The following KCND2 variants were observed in gnomAD, a reference collection of about 807,000 sequenced individuals.
The protein encoded by KCND2 is A-type voltage-gated potassium channel KCND2.
Under a neutral mutation model 54.4 loss-of-function variants are expected in KCND2, and 16 were observed. The ratio of observed to expected loss-of-function variants is 0.29; its 90% CI spans 0.20 to 0.45. KCND2 has a LOEUF of 0.45. KCND2 is among the 20% of genes least tolerant of loss of function. The pLI is 1.00. For synonymous variants in KCND2, 317 were observed against 310.7 expected (o/e 1.02, Z -0.21); for missense variants, 486 against 824.2 (o/e 0.59, Z 5.02).
intron 1 of KCND2, among the ~76,000 whole-genome samples, chr7:120,338,108 G>C (rs1392191230): frequency 6.6e-6 from 1 of 152,108 alleles, no homozygotes; most frequent in Non-Finnish European, 1.5e-5. Flanking sequence ...CCTGATTGCT[G>C]TGCTGTCATT....
chr7:120,519,044 C>G (rs1318936259), intron 1 of KCND2, among the ~76,000 whole-genome samples: 1 of 151,994 alleles, frequency 6.6e-6, no homozygotes, highest in Non-Finnish European at 1.5e-5. Flanking sequence ...ATATGGTGGC[C>G]TTGGCAGTAC....
At chr7:120,413,424 A>G (rs1801478695) in intron 1 of KCND2, among the ~76,000 whole-genome samples, 1 of 151,978 alleles carries the variant, frequency 6.6e-6, no homozygotes, top group African/African-American at 2.4e-5. Flanking sequence ...ACCTTTGTAT[A>G]TTATTAGAAA....
At chr7:120,736,641 T>G (rs1792874741) in intron 2 of KCND2, among the ~76,000 whole-genome samples, 1 of 151,926 alleles carries the variant, frequency 6.6e-6, no homozygotes, top group East Asian at 1.9e-4. Flanking sequence ...TAGTTATAAT[T>G]TAATAATACT....
chr7:120,274,262 T>C lies in KCND2; in HGVS notation c.-371T>C, dbSNP rs73429955. 0.011 allele frequency: 3,890 copies of C among 368,376 alleles called. 161 individuals are homozygous for C. Among genetic ancestry groups the C allele is most frequent in the African/African-American group, 0.074 (3,595 of 48,368 alleles). The allele number at this position is 368,376 out of a possible 1,614,324, so 22.8% of individuals were successfully genotyped here. The stretch of plus-strand genomic sequence containing the variant: ...TATCCTACACTCCACATACTGACCC[T>C]ATATTATCCAGACTGTGCCGGGGAG... On this transcript the variant is annotated 5_prime_UTR_variant, in exon 1 of 6. Coordinates refer to ENST00000331113, the MANE Select transcript of KCND2 (RefSeq NM_012281.3).
At chr7:120,464,810 A>G (rs917993370) in intron 1 of KCND2, among the ~76,000 whole-genome samples, 7 of 152,104 alleles carry the variant, frequency 4.6e-5, no homozygotes, top group African/African-American at 1.7e-4. Flanking sequence ...TTTCTCATGT[A>G]TTCCCGTCCA....
intron 1 of KCND2, among the ~76,000 whole-genome samples, chr7:120,612,889 A>G (rs1206464799): frequency 6.6e-6 from 1 of 152,206 alleles, no homozygotes; most frequent in African/African-American, 2.4e-5. Context: ...TTAATTGGAA[A>G]AGGGTTGAAT....
At chr7:120,396,196 A>G (rs1412751758) in intron 1 of KCND2, among the ~76,000 whole-genome samples, 5 of 152,058 alleles carry the variant, frequency 3.3e-5, no homozygotes, top group African/African-American at 7.2e-5. Context: ...GTCAAACCCA[A>G]TATTCACCCT....
chr7:120,303,283 A>G (rs938425278), intron 1 of KCND2, among the ~76,000 whole-genome samples: 19 of 152,228 alleles, frequency 1.2e-4, no homozygotes, highest in East Asian at 5.8e-4. Flanking sequence ...ACACAACCAA[A>G]GTTACCTATA....
intron 1 of KCND2, among the ~76,000 whole-genome samples, chr7:120,375,123 T>C (rs1419533219): frequency 6.7e-6 from 1 of 149,740 alleles, no homozygotes; most frequent in Non-Finnish European, 1.5e-5. Context: ...TTGATTTATT[T>C]TGTTGTTGTC....
intron 1 of KCND2, among the ~76,000 whole-genome samples, chr7:120,684,984 A>AT (rs1243243362): frequency 1.3e-5 from 2 of 152,208 alleles, no homozygotes; most frequent in Admixed American, 6.6e-5. Context: ...TTGTATAATT[A>AT]TTTCATTATA....
chr7:120,683,672 T>C (rs1394315575), intron 1 of KCND2, among the ~76,000 whole-genome samples: 1 of 152,096 alleles, frequency 6.6e-6, no homozygotes, highest in Non-Finnish European at 1.5e-5. Flanking sequence ...CCTGAAAATT[T>C]AAGGATAGCA....
At chr7:120,368,657 T>G (rs567112733) in intron 1 of KCND2, among the ~76,000 whole-genome samples, 20 of 152,242 alleles carry the variant, frequency 1.3e-4, no homozygotes, top group African/African-American at 4.8e-4. Flanking sequence ...GGAGTATTCC[T>G]TTTTACTAAT....
chr7:120,397,619 TTGA>T (rs1801173239), intron 1 of KCND2, among the ~76,000 whole-genome samples: 1 of 151,948 alleles, frequency 6.6e-6, no homozygotes, highest in African/African-American at 2.4e-5. Flanking sequence ...CTCTGTTTAC[TTGA>T]TGATCAAGGC....
At chr7:120,643,099 A>G (rs1162360819) in intron 1 of KCND2, among the ~76,000 whole-genome samples, 2 of 152,234 alleles carry the variant, frequency 1.3e-5, no homozygotes, top group African/African-American at 4.8e-5. Flanking sequence ...AAGGAATTAC[A>G]AATTCAGATC....
At chr7:120,321,271 A>G (rs1381761973) in intron 1 of KCND2, among the ~76,000 whole-genome samples, 1 of 152,030 alleles carries the variant, frequency 6.6e-6, no homozygotes, top group African/African-American at 2.4e-5. Flanking sequence ...AGTTACATCT[A>G]TCTATGTTTT....
chr7:120,440,502 A>G (rs1467207050), intron 1 of KCND2, among the ~76,000 whole-genome samples: 1 of 151,942 alleles, frequency 6.6e-6, no homozygotes, highest in Admixed American at 6.6e-5. Flanking sequence ...GTGTAATCCC[A>G]TTTGTCTATG....
chr7:120,623,576 A>G (rs1476607219), intron 1 of KCND2, among the ~76,000 whole-genome samples: 2 of 152,172 alleles, frequency 1.3e-5, no homozygotes, highest in Non-Finnish European at 2.9e-5. Flanking sequence ...ATTTTCAACA[A>G]TGCTCCTGGT....
chr7:120,317,676 G>C (rs1191829454), intron 1 of KCND2, among the ~76,000 whole-genome samples: 1 of 152,170 alleles, frequency 6.6e-6, no homozygotes, highest in African/African-American at 2.4e-5. Flanking sequence ...ATCCGCATTT[G>C]ATTTGTGTAA....
At chr7:120,281,423 T>C (rs1799260854) in intron 1 of KCND2, among the ~76,000 whole-genome samples, 1 of 24,860 alleles carries the variant, frequency 4.0e-5, no homozygotes, top group Non-Finnish European at 1.4e-4. Context: ...TAGCGTCTGA[T>C]ATTGAAAAAA....
Sources: gnomAD v4.1 joint callset for allele counts (sites outside exome capture counted in the v4.1 genomes callset) on GRCh38, gnomAD v4.1.1 for gene constraint, MANE v1.5 for transcripts, NCBI Gene and HGNC (gene_info 2026-07-23, HGNC 2026-07-21) for gene names.